Variants in BCL2A1 observed in about 807,000 individuals in gnomAD.
BCL2A1 encodes BCL2 related protein A1, also known as bcl-2-related protein A1.
In BCL2A1, 10 loss-of-function variants were observed where a neutral mutation model predicts 14.4. The observed-to-expected ratio is 0.69, with a 90% CI of 0.43 to 1.18. The LOEUF is 1.18. Ranked by LOEUF, BCL2A1 falls within the 50% of genes most tolerant of loss-of-function variation. The pLI is 0.00. For synonymous variants in BCL2A1, 71 were observed against 76.5 expected (o/e 0.93, Z 0.38); for missense variants, 158 against 205.0 (o/e 0.77, Z 1.40).
At chr15:79,969,642 A>AT (rs1171506072) in intron 1 of BCL2A1, among the ~76,000 whole-genome samples, 38 of 152,316 alleles carry the variant, frequency 2.5e-4, no homozygotes, top group African/African-American at 8.4e-4. Context: ...ATATGTATAC[A>AT]TAAAAAATCT....
rs148621622 is a variant in BCL2A1 at position 79,965,143 on chromosome 15, T to A, written c.421-3969A>T. Among the ~76,000 whole-genome samples the A allele has an allele frequency of 0.014, 2,122 of 152,280 alleles. 127 individuals are homozygous for A. In the East Asian group the frequency reaches 0.18, roughly 13 times the overall value. ...TCAAGTTTTTATTTTATTTTATTTT[T>A]TTGAGACAGAGTCTCACTCTGTTAC... On this transcript the variant is annotated intron_variant, in intron 1 of 1. Coordinates refer to ENST00000267953, the MANE Select transcript of BCL2A1 (RefSeq NM_004049.4).
chr15:79,969,662 T>C (rs1330930780), intron 1 of BCL2A1, among the ~76,000 whole-genome samples: 3 of 152,232 alleles, frequency 2.0e-5, no homozygotes, highest in Non-Finnish European at 4.4e-5. Flanking sequence ...TATGTGTATA[T>C]GTAAAAAAGG....
At chr15:79,966,633 C>T (rs531747036) in intron 1 of BCL2A1, among the ~76,000 whole-genome samples, 6 of 152,290 alleles carry the variant, frequency 3.9e-5, no homozygotes, top group African/African-American at 9.6e-5. Flanking sequence ...TTTTAAGAAC[C>T]ATCCTTTCCT....
At chr15:79,964,972 C>T (rs368523174) in intron 1 of BCL2A1, among the ~76,000 whole-genome samples, 1 of 151,866 alleles carries the variant, frequency 6.6e-6, no homozygotes, top group Non-Finnish European at 1.5e-5. Flanking sequence ...TATGAGAGCA[C>T]GGAGGGATTC....
In BCL2A1 at chr15:79,967,761, G is replaced by C. The variant is rs1175483495; in HGVS notation, c.420+2939C>G. The C allele has an allele frequency of 4.8e-6, 5 of 1,046,098 alleles. No homozygotes were observed. In the East Asian group the frequency reaches 1.2e-4, roughly 25 times the overall value. 64.8% of individuals were successfully genotyped at this position (1,046,098 alleles called of 1,614,324 possible). On this transcript the variant is annotated intron_variant, in intron 1 of 1. Transcript: ENST00000267953. ...TTTGTCAACATCACTATGAAAAGAT[G>C]ATAACAGTTTTCCATGCCAGTTTGC...
intron 1 of BCL2A1, among the ~76,000 whole-genome samples, chr15:79,966,885 G>A (rs2035546646): frequency 6.6e-6 from 1 of 151,722 alleles, no homozygotes; most frequent in South Asian, 2.1e-4. Flanking sequence ...AATAACGAAA[G>A]AGATTATGAG....
chr15:79,964,751 G>A (rs1419287537), intron 1 of BCL2A1, among the ~76,000 whole-genome samples: 1 of 152,220 alleles, frequency 6.6e-6, no homozygotes, highest in Admixed American at 6.5e-5. Flanking sequence ...AATAAAGTTG[G>A]GTAGGGAGAC....
intron 1 of BCL2A1, among the ~76,000 whole-genome samples, chr15:79,964,058 A>C (rs1336780657): frequency 6.6e-6 from 1 of 152,142 alleles, no homozygotes; most frequent in Non-Finnish European, 1.5e-5. Context: ...CCTTTCAAAA[A>C]TGTTATTTTC....
Position 79,960,976 on chromosome 15 carries a change from T to C in BCL2A1, c.*91A>G, listed in dbSNP as rs1032447126. The C allele has an allele frequency of 4.5e-6, 7 of 1,572,516 alleles. No homozygotes were observed. The highest frequency in any genetic ancestry group is 6.1e-6 in the Non-Finnish European group (7 of 1,149,366). Reference sequence around the variant, plus strand: ...AGGTCAAGTTACATCATCAAAGTTGTTTATTTAAAAGTAGAAGTATGTGTT... The same window carrying C: ...AGGTCAAGTTACATCATCAAAGTTGCTTATTTAAAAGTAGAAGTATGTGTT... On this transcript the variant is annotated 3_prime_UTR_variant, in exon 2 of 2. Transcript: ENST00000267953.
chr15:79,962,740 G>T (rs981768876), intron 1 of BCL2A1, among the ~76,000 whole-genome samples: 1 of 151,864 alleles, frequency 6.6e-6, no homozygotes, highest in Non-Finnish European at 1.5e-5. Context: ...TAGAGACGGG[G>T]TTTCACTATG....
intron 1 of BCL2A1, among the ~76,000 whole-genome samples, chr15:79,966,445 G>A (rs956305252): frequency 2.6e-5 from 4 of 152,138 alleles, no homozygotes; most frequent in South Asian, 4.1e-4. Flanking sequence ...GATGCATTAA[G>A]TAGACACAAT....
chr15:79,961,071 C>T lies in BCL2A1; in HGVS notation c.524G>A (p.Cys175Tyr), dbSNP rs371180356. The change falls in exon 2 of 2, where the codon TGT becomes TAT. Residue 175 changes from cysteine (C) to tyrosine (Y), a missense_variant. Cys to Tyr is a radical substitution (Grantham distance 194, BLOSUM62 -2). Transcript: ENST00000267953. ...CEMLSLLKQYC is the reference protein window; with the variant it reads ...CEMLSLLKQYY ...AATATGGAGTGTCCTTTCTGGTCAA[C>T]AGTATTGCTTCAGGAGAGATAGCAT... 1.5e-5 allele frequency: 24 copies of T among 1,613,844 alleles called. No individual in the cohort carries two copies. Among genetic ancestry groups the T allele is most frequent in the Non-Finnish European group, 2.0e-5 (24 of 1,179,912 alleles).
At chr15:79,965,048 T>C (rs1473452370) in intron 1 of BCL2A1, among the ~76,000 whole-genome samples, 1 of 152,104 alleles carries the variant, frequency 6.6e-6, no homozygotes, top group East Asian at 1.9e-4. Context: ...ACAGTCAGGA[T>C]TTTGTGCTTT....
chr15:79,966,128 G>A (rs752700731), intron 1 of BCL2A1, among the ~76,000 whole-genome samples: 1 of 152,138 alleles, frequency 6.6e-6, no homozygotes, highest in South Asian at 2.1e-4. Flanking sequence ...TAGTTGCACA[G>A]TATTTGACAG....
rs1260590750 is a variant in BCL2A1, at chr15:79,970,786, C to T, written c.334G>A (p.Val112Met). The change falls in exon 1 of 2, where the codon GTG becomes ATG. Residue 112 changes from valine (V) to methionine (M), a missense_variant. Val to Met is a conservative substitution (Grantham distance 21). Transcript: ENST00000267953. ...KLLRQQIAPD[V>M]DTYKEISYFV... The stretch of plus-strand genomic sequence containing the variant: ...TATGAAATCTCCTTATAGGTATCCA[C>T]ATCCGGGGCAATTTGCTGTCGTAGA... The T allele has an allele frequency of 2.5e-6, 4 of 1,614,098 alleles. No individual in the cohort carries two copies.
chr15:79,965,533 G>A (rs2035533141), intron 1 of BCL2A1, among the ~76,000 whole-genome samples: 1 of 152,154 alleles, frequency 6.6e-6, no homozygotes, highest in Non-Finnish European at 1.5e-5. Context: ...AGAGTCAAGT[G>A]AGAGAGGAAG....
intron 1 of BCL2A1, among the ~76,000 whole-genome samples, chr15:79,969,419 A>G (rs142845990): frequency 2.6e-5 from 4 of 152,346 alleles, no homozygotes; most frequent in African/African-American, 9.6e-5. Flanking sequence ...ATGATATTCA[A>G]TGAAGCATTG....
At chr15:79,964,591 C>T (rs1436882859) in intron 1 of BCL2A1, among the ~76,000 whole-genome samples, 2 of 152,202 alleles carry the variant, frequency 1.3e-5, no homozygotes, top group Non-Finnish European at 2.9e-5. Flanking sequence ...TGCCAGGTAC[C>T]ATTTAAAGCA....
At chr15:79,970,587 A>G in intron 1 of BCL2A1, 113 bp downstream of exon 1, 1 of 1,126,672 alleles carries the variant, frequency 8.9e-7, no homozygotes, top group Non-Finnish European at 1.3e-6. Context: ...CAAACCACCC[A>G]AGGAAAATAG....
Sources: gnomAD v4.1 joint callset for allele counts (sites outside exome capture counted in the v4.1 genomes callset) on GRCh38, gnomAD v4.1.1 for gene constraint, MANE v1.5 for transcripts, NCBI Gene and HGNC (gene_info 2026-07-23, HGNC 2026-07-21) for gene names.